Variants in B3GAT1 observed in about 807,000 individuals in gnomAD.
B3GAT1 encodes galactosylgalactosylxylosylprotein 3-beta-glucuronosyltransferase 1.
A neutral mutation model predicts 28.4 loss-of-function variants in B3GAT1; 11 were observed. That is an observed-to-expected ratio of 0.39 (90% CI 0.24 to 0.64). B3GAT1 has a LOEUF of 0.64. Ranked by LOEUF, B3GAT1 falls within the 30% of genes least tolerant of loss-of-function variation. B3GAT1 has a pLI of 0.50. For missense variants in B3GAT1, 375 were observed against 491.0 expected (o/e 0.76, Z 2.23); for synonymous variants, 255 against 223.1 (o/e 1.14, Z -1.27).
At chr11:134,401,070 T>G (rs1397738560) in intron 1 of B3GAT1, among the ~76,000 whole-genome samples, 2 of 152,150 alleles carry the variant, frequency 1.3e-5, no homozygotes, top group Non-Finnish European at 2.9e-5. Flanking sequence ...CGAATGGCTA[T>G]TACTAAAAAG....
rs1227161874 is a variant in B3GAT1, at chr11:134,387,915, G to T, written c.-256C>A. ...GAAGGGGTCGCTGTCCAGGGGCAGG[G>T]GTCAGGAACCCTGGGGGGTGGACAC... On this transcript the variant is annotated 5_prime_UTR_variant, in exon 2 of 6. Transcript: ENST00000312527. 2 of 1,474,542 alleles carry T rather than the reference G, an allele frequency of 1.4e-6. No individual in the cohort carries two copies. Among genetic ancestry groups the T allele is most frequent in the Non-Finnish European group, 9.1e-7 (1 of 1,103,756 alleles). The allele number at this position is 1,474,542 out of a possible 1,614,324, so 91.3% of individuals were successfully genotyped here.
At chr11:134,399,353 A>G (rs1171921867) in intron 1 of B3GAT1, among the ~76,000 whole-genome samples, 1 of 152,230 alleles carries the variant, frequency 6.6e-6, no homozygotes, top group African/African-American at 2.4e-5. Context: ...CTCCCCAGTC[A>G]GCCAGCAATG....
Position 134,384,129 on chromosome 11 carries a change from T to TTCTCAA in B3GAT1, c.171_172insTTGAGA (p.Cys57_Thr58insLeuArg), listed in dbSNP as rs1382063260. 1 of 1,581,556 alleles carries TTCTCAA rather than the reference T, an allele frequency of 6.3e-7. No individual in the cohort carries two copies. The highest frequency in any genetic ancestry group is 1.7e-5 in the Admixed American group (1 of 59,456). On this transcript the variant is annotated inframe_insertion, in exon 3 of 6. Transcript: ENST00000312527. ...ACCTCCACGATGTCGCGGTCAGACG[T>TTCTCAA]GCAGTACTCCCTGGGGTCGGCGCCG...
chr11:134,401,414 A>G (rs1944610747), intron 1 of B3GAT1, among the ~76,000 whole-genome samples: 1 of 152,210 alleles, frequency 6.6e-6, no homozygotes, highest in East Asian at 1.9e-4. Context: ...GAAGAATTAA[A>G]TAATGCTTTT....
In B3GAT1 at chr11:134,382,996, G is replaced by T. The variant is rs749052053; in HGVS notation, c.632C>A (p.Thr211Asn). The T allele has an allele frequency of 6.4e-7, 1 of 1,565,796 alleles. No individual in the cohort carries two copies. Among genetic ancestry groups the T allele is most frequent in the South Asian group, 1.2e-5 (1 of 86,614 alleles). ...GACGGGCCACACGGACACCCTCCTG[G>T]TGCTGCGCATCTACAAGGGGGGGGT... The part of the protein sequence containing the change: ...SLELFEEMRS[T>N]RRVSVWPVAF... The change falls in exon 4 of 6, where the codon ACC (threonine) becomes AAC (asparagine). Residue 211 changes from threonine (T) to asparagine (N), a missense_variant. Physicochemically the swap from Thr to Asn is moderately conservative, Grantham distance 65. Coordinates refer to ENST00000312527, the MANE Select transcript of B3GAT1 (RefSeq NM_054025.3).
intron 1 of B3GAT1, among the ~76,000 whole-genome samples, chr11:134,407,068 G>GGCAGCC (rs1388215347): frequency 3.9e-5 from 6 of 152,254 alleles, no homozygotes; most frequent in Admixed American, 3.3e-4. Context: ...CGCCCAAGAT[G>GGCAGCC]GCAGCCTCTA....
At chr11:134,403,517 T>C (rs559683416) in intron 1 of B3GAT1, among the ~76,000 whole-genome samples, 1 of 152,146 alleles carries the variant, frequency 6.6e-6, no homozygotes, top group South Asian at 2.1e-4. Context: ...CCAGGTAGAA[T>C]GGGGTGCCTC....
At chr11:134,404,531 G>A (rs535620929) in intron 1 of B3GAT1, among the ~76,000 whole-genome samples, 1 of 152,312 alleles carries the variant, frequency 6.6e-6, no homozygotes, top group African/African-American at 2.4e-5. Flanking sequence ...ACACTCCTCG[G>A]AGCCTGCACC....
At position 134,412,129 on chromosome 11, in the gene B3GAT1, G is replaced by C. The variant is rs1295946444; in HGVS notation, c.-604C>G. Among the ~76,000 whole-genome samples, 1 of 144,016 alleles carries C rather than the reference G, an allele frequency of 6.9e-6. No individual in the cohort carries two copies. The highest frequency in any genetic ancestry group is 2.5e-5 in the African/African-American group (1 of 40,156). The allele number at this position is 144,016 out of a possible 152,430, so 94.5% of individuals were successfully genotyped here. A position where few individuals can be genotyped will look rare whatever the true frequency, so the allele number is the denominator to read the frequency against. Reference sequence around the variant, plus strand: ...GAGGGGGAGCGGGGAGGGGGAGCGGGGAGCGGGCGCGGGGGCGAGAGGGGC... The same window carrying C: ...GAGGGGGAGCGGGGAGGGGGAGCGGCGAGCGGGCGCGGGGGCGAGAGGGGC... On this transcript the variant is annotated 5_prime_UTR_variant, in exon 1 of 6. Transcript: ENST00000312527.
intron 1 of B3GAT1, among the ~76,000 whole-genome samples, chr11:134,395,489 C>T (rs1259219392): frequency 6.6e-6 from 1 of 152,058 alleles, no homozygotes; most frequent in African/African-American, 2.4e-5. Context: ...GACGATGGTG[C>T]ACAGAGCACC....
At chr11:134,384,933 C>A in intron 2 of B3GAT1, 1 of 152,270 alleles carries the variant, frequency 6.6e-6, no homozygotes. Flanking sequence ...GTCCTTCCAT[C>A]GGAAGGGCTC....
Position 134,387,550 on chromosome 11 carries a change from T to G in B3GAT1, c.110A>C (p.Lys37Thr). 6.2e-7 allele frequency: 1 copy of G among 1,613,940 alleles called. No homozygotes were observed. Among genetic ancestry groups the G allele is most frequent in the African/African-American group, 1.3e-5 (1 of 75,062 alleles). ...STLAPLLAVH[K>T]DEGSDPRRET... ...GCAGGGCATGCGTGCGTGCTCACCC[T>G]TATGTACCGCGAGCAGGGGTGCGAG... Residue 37 changes from lysine to threonine, a missense_variant and splice_region_variant, in exon 2 of 6, where the codon AAG (lysine) becomes ACG (threonine). Transcript: ENST00000312527.
intron 1 of B3GAT1, among the ~76,000 whole-genome samples, chr11:134,398,707 C>A (rs1944551559): frequency 6.6e-6 from 1 of 152,202 alleles, no homozygotes; most frequent in African/African-American, 2.4e-5. Context: ...CCTCTCCTGG[C>A]CCTGGGTCCA....
chr11:134,381,789 G>A (rs1317029646), intron 5 of B3GAT1, 135 bp downstream of exon 5: 3 of 682,960 alleles, frequency 4.4e-6, no homozygotes, highest in East Asian at 2.7e-5. Context: ...CTGTGGTGAC[G>A]ACGCCCTCCA....
chr11:134,407,384 G>T (rs1944754959), intron 1 of B3GAT1, among the ~76,000 whole-genome samples: 1 of 152,232 alleles, frequency 6.6e-6, no homozygotes, highest in East Asian at 1.9e-4. Context: ...CCCACGCCGT[G>T]CCGTCATGTC....
At chr11:134,400,171 C>T (rs186744116) in intron 1 of B3GAT1, among the ~76,000 whole-genome samples, 2 of 152,124 alleles carry the variant, frequency 1.3e-5, no homozygotes, top group East Asian at 1.9e-4. Context: ...CCTGCCCCTG[C>T]CCCGATCTGC....
intron 1 of B3GAT1, among the ~76,000 whole-genome samples, chr11:134,398,062 G>T (rs1944538174): frequency 6.6e-6 from 1 of 152,176 alleles, no homozygotes; most frequent in Admixed American, 6.5e-5. Flanking sequence ...CCCTGGGGTT[G>T]AGTATTCTGT....
chr11:134,382,485 C>T (rs972159520), intron 4 of B3GAT1, among the ~76,000 whole-genome samples: 4 of 152,254 alleles, frequency 2.6e-5, no homozygotes, highest in South Asian at 2.1e-4. Context: ...TGCTGGAGCA[C>T]GGCTGTTCTG....
intron 1 of B3GAT1, among the ~76,000 whole-genome samples, chr11:134,408,762 CTATTCCA>C (rs1410180410): frequency 1.5e-4 from 15 of 102,634 alleles, no homozygotes; most frequent in African/African-American, 2.2e-4. Flanking sequence ...CAGCCTGCAC[CTATTCCA>C]GTGGGGTGAG....
Sources: allele counts gnomAD v4.1 joint callset (sites outside exome capture counted in the v4.1 genomes callset), GRCh38; gene constraint gnomAD v4.1.1; transcripts MANE v1.5; gene names NCBI Gene and HGNC (gene_info 2026-07-23, HGNC 2026-07-21).